AKAP10: variants seen among roughly 807,000 people sequenced by gnomAD.
AKAP10 encodes A-kinase anchor protein 10, mitochondrial.
AKAP10 carries 24 observed loss-of-function variants against 80.8 expected under a neutral mutation model. The ratio of observed to expected loss-of-function variants is 0.30; its 90% confidence interval spans 0.22 to 0.42. The LOEUF (loss-of-function observed/expected upper bound fraction) is 0.42. AKAP10 is among the 10% of genes least tolerant of loss of function. The pLI is 1.00. For missense variants in AKAP10, 661 were observed against 794.9 expected (o/e 0.83, Z 2.03); for synonymous variants, 291 against 277.7 (o/e 1.05, Z -0.48).
intron 4 of AKAP10, among the ~76,000 whole-genome samples, chr17:19,954,807 T>TA (rs1282855481): frequency 1.3e-5 from 2 of 151,888 alleles, no homozygotes; most frequent in Non-Finnish European, 2.9e-5. Flanking sequence ...ACAATACTTT[T>TA]AAAAGGAAAC....
intron 9 of AKAP10, 31 bp from the exon 10 acceptor site, chr17:19,932,009 T>C: frequency 6.3e-7 from 1 of 1,580,914 alleles, no homozygotes; most frequent in South Asian, 1.2e-5. Flanking sequence ...TATTTTAAAG[T>C]TGAAATCAAA....
At chr17:19,938,437 A>C (rs1652544670) in intron 8 of AKAP10, among the ~76,000 whole-genome samples, 1 of 151,196 alleles carries the variant, frequency 6.6e-6, no homozygotes, top group South Asian at 2.1e-4. Context: ...GGGTTTTACC[A>C]TGTTGGCCAG....
intron 4 of AKAP10, among the ~76,000 whole-genome samples, chr17:19,956,267 A>T (rs1367566951): frequency 1.3e-5 from 2 of 152,164 alleles, no homozygotes; most frequent in East Asian, 1.9e-4. Context: ...AATGCAAAAC[A>T]CCTGAAGTAA....
At chr17:19,964,206 G>C (rs116584004) in intron 2 of AKAP10, among the ~76,000 whole-genome samples, 8 of 152,144 alleles carry the variant, frequency 5.3e-5, no homozygotes, top group African/African-American at 1.9e-4. Flanking sequence ...TGAGACTCTC[G>C]CATTGTTTCT....
intron 6 of AKAP10, 75 bp from the exon 7 acceptor site, chr17:19,941,085 C>T (rs1363179374): frequency 6.8e-7 from 1 of 1,477,554 alleles, no homozygotes; most frequent in Non-Finnish European, 9.1e-7. Context: ...ATACTCTTTC[C>T]ATACTGTCCC....
intron 4 of AKAP10, among the ~76,000 whole-genome samples, chr17:19,952,924 C>G (rs1301948293): frequency 6.6e-6 from 1 of 152,088 alleles, no homozygotes; most frequent in Non-Finnish European, 1.5e-5. Flanking sequence ...CATTAACCAA[C>G]TAAATCAACT....
intron 5 of AKAP10, among the ~76,000 whole-genome samples, chr17:19,945,869 C>T (rs1315460358): frequency 1.3e-5 from 2 of 151,800 alleles, no homozygotes; most frequent in Non-Finnish European, 2.9e-5. Context: ...AATATTAGGA[C>T]TTATGAGAAT....
Position 19,977,771 on chromosome 17 carries a change from T to C in AKAP10, c.-92A>G. ...TCCGGGAGTGGGCCCCACCGCCTCC[T>C]CGGGATGCCCAGGCAGCTCCAGCCG... On this transcript the variant is annotated 5_prime_UTR_variant, in exon 1 of 15. Coordinates refer to ENST00000225737, the MANE Select transcript of AKAP10 (RefSeq NM_007202.4). 1 of 770,892 alleles carries C rather than the reference T, an allele frequency of 1.3e-6. No individual in the cohort carries two copies. The highest frequency in any genetic ancestry group is 1.8e-6 in the Non-Finnish European group (1 of 565,258). The allele number at this position is 770,892 out of a possible 1,614,324, so 47.8% of individuals were successfully genotyped here. A position where few individuals can be genotyped will look rare whatever the true frequency, so the allele number is the denominator to read the frequency against.
chr17:19,921,503 T>A (rs1213182749), intron 11 of AKAP10, among the ~76,000 whole-genome samples: 1 of 151,832 alleles, frequency 6.6e-6, no homozygotes, highest in Non-Finnish European at 1.5e-5. Context: ...CATAAAATGA[T>A]GCAGATACTT....
chr17:19,924,525 A>G lies in AKAP10; in HGVS notation c.1642-8T>C. On this transcript the variant is annotated splice_region_variant and splice_polypyrimidine_tract_variant and intron_variant, in intron 10 of 14. Transcript: ENST00000225737. ...GGCTTTTTTCACACTGGACTACAAT[A>G]GAAATTGTAAAATTAGAAGTATATG... The G allele has an allele frequency of 6.5e-7, 1 of 1,549,514 alleles. No individual in the cohort carries two copies. The highest frequency in any genetic ancestry group is 2.3e-5 in the East Asian group (1 of 44,040).
chr17:19,975,123 C>G (rs2043548844), intron 1 of AKAP10, among the ~76,000 whole-genome samples: 1 of 152,136 alleles, frequency 6.6e-6, no homozygotes, highest in African/African-American at 2.4e-5. Context: ...ACCTCCTAGG[C>G]TCAAGTGATC....
At chr17:19,935,108 G>T (rs1257545814) in intron 9 of AKAP10, among the ~76,000 whole-genome samples, 2 of 152,098 alleles carry the variant, frequency 1.3e-5, no homozygotes, top group Admixed American at 6.6e-5. Flanking sequence ...AAACCTAGAT[G>T]GTATGGCCTA....
chr17:19,968,473 A>G lies in AKAP10; in HGVS notation c.89-12T>C, dbSNP rs760578202. 7 of 1,612,420 alleles carry G rather than the reference A, an allele frequency of 4.3e-6. No homozygotes were observed. The highest frequency in any genetic ancestry group is 1.7e-4 in the Middle Eastern group (1 of 6,058). On this transcript the variant is annotated splice_polypyrimidine_tract_variant and intron_variant, in intron 1 of 14. Transcript: ENST00000225737. ...TTCTTTGCCTTTCACTAGAACATAA[A>G]AAGATAATTATGACCAACTTTTGCA...
At chr17:19,946,213 ATATATATTTTATATATATATATAT>A (rs1387224134) in intron 5 of AKAP10, among the ~76,000 whole-genome samples, 4 of 54,660 alleles carry the variant, frequency 7.3e-5, no homozygotes, top group East Asian at 1.8e-3. Flanking sequence ...TTTTATATAT[ATATATATTTTATATATATATATAT>A]TATATATATA....
chr17:19,932,883 G>A (rs867868250), intron 9 of AKAP10, among the ~76,000 whole-genome samples: 2 of 151,434 alleles, frequency 1.3e-5, no homozygotes, highest in African/African-American at 2.4e-5. Context: ...TACTGAATGA[G>A]TTCTCATGTT....
intron 1 of AKAP10, among the ~76,000 whole-genome samples, chr17:19,971,847 G>GGGAAGCCAGGA (rs2043502165): frequency 2.0e-5 from 3 of 152,068 alleles, no homozygotes; most frequent in African/African-American, 7.2e-5. Flanking sequence ...CAGGAGCATT[G>GGGAAGCCAGGA]GCTCACGCCT....
intron 10 of AKAP10, among the ~76,000 whole-genome samples, chr17:19,928,707 T>C (rs534464709): frequency 8.5e-5 from 13 of 152,138 alleles, no homozygotes; most frequent in African/African-American, 2.4e-4. Context: ...TGAAACCCCA[T>C]CTCTACTAAA....
rs1319673076 is a variant in AKAP10 at position 19,936,445 on chromosome 17, T to G, written c.1323-15A>C. ...GGGAGAAGTACCTATGGTAAAAAGATATCCGAAGTAAAATCAAATTCCATA... is the reference window on the plus strand; with the variant it reads ...GGGAGAAGTACCTATGGTAAAAAGAGATCCGAAGTAAAATCAAATTCCATA... On this transcript the variant is annotated splice_polypyrimidine_tract_variant and intron_variant, in intron 8 of 14. Transcript: ENST00000225737. 1 of 1,586,350 alleles carries G rather than the reference T, an allele frequency of 6.3e-7. No homozygotes were observed. Among genetic ancestry groups the G allele is most frequent in the East Asian group, 2.3e-5 (1 of 44,374 alleles).
intron 11 of AKAP10, among the ~76,000 whole-genome samples, chr17:19,922,372 G>T (rs990078643): frequency 2.0e-5 from 3 of 152,108 alleles, no homozygotes; most frequent in African/African-American, 4.8e-5. Flanking sequence ...AAAAATTTCA[G>T]AAAGATGCTA....
Sources: allele counts gnomAD v4.1 joint callset (sites outside exome capture counted in the v4.1 genomes callset), GRCh38; gene constraint gnomAD v4.1.1; transcripts MANE v1.5; gene names NCBI Gene and HGNC (gene_info 2026-07-23, HGNC 2026-07-21).